Variants in HNRNPA3 observed in about 807,000 individuals in gnomAD.
The protein encoded by HNRNPA3 is epididymis secretory sperm binding protein.
A neutral mutation model predicts 45.8 loss-of-function variants in HNRNPA3; 3 were observed. The ratio of observed to expected loss-of-function variants is 0.07; its 90% CI spans 0.03 to 0.17. The LOEUF (loss-of-function observed/expected upper bound fraction) is 0.17. Ranked by LOEUF, HNRNPA3 falls within the 10% of genes least tolerant of loss-of-function variation. HNRNPA3 has a pLI of 1.00. For missense variants in HNRNPA3, 183 were observed against 480.3 expected (o/e 0.38, Z 5.79); for synonymous variants, 170 against 155.6 (o/e 1.09, Z -0.69).
exon 8 of HNRNPA3, chr2:177,217,709 C>T (rs1322369388): frequency 6.2e-7 from 1 of 1,612,408 alleles, no homozygotes; most frequent in East Asian, 2.2e-5. Flanking sequence ...TTTTAGGTGG[C>T]AACTATGGCG....
intron 8 of HNRNPA3, among the ~76,000 whole-genome samples, chr2:177,218,760 T>C (rs1259889114): frequency 6.6e-6 from 1 of 152,232 alleles, no homozygotes; most frequent in South Asian, 2.1e-4. Context: ...TCTCATTGTT[T>C]TAAATGTTAT....
At chr2:177,217,657 C>G in intron 7 of HNRNPA3, 48 bp from the exon 8 acceptor site, 1 of 1,608,220 alleles carries the variant, frequency 6.2e-7, no homozygotes, top group Non-Finnish European at 8.5e-7. Flanking sequence ...AATAACGTGA[C>G]TATACACTTA....
intron 8 of HNRNPA3, among the ~76,000 whole-genome samples, chr2:177,218,103 C>T (rs1427849979): frequency 1.5e-5 from 2 of 134,984 alleles, no homozygotes; most frequent in African/African-American, 5.9e-5. Context: ...GCTCTGTTGC[C>T]CAGGCTGGAG....
In HNRNPA3 at chr2:177,212,882, G is replaced by A. The variant is rs1391861981; in HGVS notation, c.72+11G>A. On this transcript the variant is annotated intron_variant, in intron 1 of 10. Transcript: ENST00000392524. The stretch of plus-strand genomic sequence containing the variant: ...CGCCGGGGGGAGGAGGTATTAGGGG[G>A]AGAGCGGGGGGTTGGTGGGGAATGG... The A allele has an allele frequency of 3.7e-5, 54 of 1,458,434 alleles. No homozygotes were observed. In the East Asian group the frequency reaches 1.3e-3, roughly 35 times the overall value. The allele number at this position is 1,458,434 out of a possible 1,614,324, so 90.3% of individuals were successfully genotyped here. A position where few individuals can be genotyped will look rare whatever the true frequency, so the allele number is the denominator to read the frequency against.
chr2:177,216,949 C>T lies in HNRNPA3; in HGVS notation c.820+9C>T. 6.6e-7 allele frequency: 1 copy of T among 1,504,382 alleles called. No homozygotes were observed. Among genetic ancestry groups the T allele is most frequent in the Non-Finnish European group, 8.9e-7 (1 of 1,119,656 alleles). The allele number at this position is 1,504,382 out of a possible 1,614,324, so 93.2% of individuals were successfully genotyped here. A position where few individuals can be genotyped will look rare whatever the true frequency, so the allele number is the denominator to read the frequency against. The stretch of plus-strand genomic sequence containing the variant: ...TGGATTTGGAGGTGATGGTAGGTGG[C>T]TTATTTTCATTGATGTTTGATATTT... On this transcript the variant is annotated intron_variant, in intron 7 of 10. Coordinates refer to ENST00000392524, the Ensembl canonical transcript of HNRNPA3.
intron 7 of HNRNPA3, 33 bp downstream of exon 7, chr2:177,216,973 T>G (rs1688968759): frequency 6.9e-7 from 1 of 1,439,986 alleles, no homozygotes; most frequent in Non-Finnish European, 9.3e-7. Flanking sequence ...TGTTTGATAT[T>G]TTAACTTTCT....
downstream of HNRNPA3, chr2:177,220,339 A>T (rs542947911): frequency 6.5e-6 from 1 of 153,006 alleles, no homozygotes; most frequent in South Asian, 2.1e-4. Flanking sequence ...TCCCTCTCCT[A>T]CGTTAGAAAC....
At chr2:177,214,719 C>T (rs746740197) in intron 1 of HNRNPA3, among the ~76,000 whole-genome samples, 44 of 152,170 alleles carry the variant, frequency 2.9e-4, no homozygotes, top group Non-Finnish European at 5.6e-4. Context: ...GGCGTGAACC[C>T]GGGAGGCGGA....
At chr2:177,223,530 TG>T (rs1389205019), downstream of HNRNPA3, 6 of 152,210 alleles carry the variant, frequency 3.9e-5, no homozygotes, top group Admixed American at 1.3e-4. Flanking sequence ...AAGGAGAATA[TG>T]TGGTAATAAA....
At chr2:177,214,294 A>AT (rs1688828550) in intron 1 of HNRNPA3, among the ~76,000 whole-genome samples, 1 of 152,226 alleles carries the variant, frequency 6.6e-6, no homozygotes, top group Non-Finnish European at 1.5e-5. Context: ...GACTCTTAAA[A>AT]TTGAGTTGTA....
intron 7 of HNRNPA3, among the ~76,000 whole-genome samples, chr2:177,217,274 C>G (rs1688981986): frequency 6.6e-6 from 1 of 151,776 alleles, no homozygotes; most frequent in South Asian, 2.1e-4. Flanking sequence ...AGTGCAGATA[C>G]TTGATACTCT....
chr2:177,216,239 T>C, intron 4 of HNRNPA3, 51 bp downstream of exon 4: 1 of 1,256,736 alleles, frequency 8.0e-7, no homozygotes, highest in Non-Finnish European at 1.1e-6. Flanking sequence ...CTGGTTTTTC[T>C]GTTTTGAACT....
At chr2:177,218,056 T>TTTTTTC (rs1689028477) in intron 8 of HNRNPA3, among the ~76,000 whole-genome samples, 7 of 13,154 alleles carry the variant, frequency 5.3e-4, no homozygotes, top group African/African-American at 7.7e-4. Context: ...TTTTTTCTTT[T>TTTTTTC]TTTTTTTTTT....
rs770366190 is a variant in HNRNPA3, at chr2:177,219,173, T to TGA, written c.1084+14_1084+15insGA. On this transcript the variant is annotated intron_variant, in intron 9 of 10. Transcript: ENST00000392524. The stretch of plus-strand genomic sequence containing the variant: ...GTCCCTATGGTGGTAAGTACTTTCT[T>TGA]AAATCAATTCTTTAGAGCCTTTTTA... The TGA allele has an allele frequency of 3.7e-6, 6 of 1,612,344 alleles. No homozygotes were observed. The highest frequency in any genetic ancestry group is 5.1e-6 in the Non-Finnish European group (6 of 1,179,540).
At chr2:177,216,804 C>T (rs1558969732) in intron 6 of HNRNPA3, 33 bp downstream of exon 6, 7 of 1,613,540 alleles carry the variant, frequency 4.3e-6, no homozygotes, top group African/African-American at 1.3e-5. Context: ...ACATGGATAC[C>T]TGACATTTTG....
At chr2:177,213,277 G>C (rs1001236041) in intron 1 of HNRNPA3, among the ~76,000 whole-genome samples, 1 of 152,188 alleles carries the variant, frequency 6.6e-6, no homozygotes, top group Non-Finnish European at 1.5e-5. Context: ...ACATTGATCC[G>C]CCGCCGCGTT....
At chr2:177,213,783 T>C (rs1300425014) in intron 1 of HNRNPA3, among the ~76,000 whole-genome samples, 1 of 152,254 alleles carries the variant, frequency 6.6e-6, no homozygotes, top group Non-Finnish European at 1.5e-5. Context: ...TTTCCCATTC[T>C]TTGAGTCGGC....
chr2:177,216,582 A>G, exon 5 of HNRNPA3: 1 of 1,613,906 alleles, frequency 6.2e-7, no homozygotes. Flanking sequence ...AGTCTGCTGG[A>G]TCACAGAGAG....
chr2:177,213,978 GT>G (rs1351489752), intron 1 of HNRNPA3, among the ~76,000 whole-genome samples: 5 of 152,132 alleles, frequency 3.3e-5, no homozygotes, highest in Non-Finnish European at 7.4e-5. Context: ...GGCTATTAAC[GT>G]TTTTTTCTAG....
Sources: allele counts gnomAD v4.1 joint callset (sites outside exome capture counted in the v4.1 genomes callset), GRCh38; gene constraint gnomAD v4.1.1; transcripts MANE v1.5; gene names NCBI Gene and HGNC (gene_info 2026-07-23, HGNC 2026-07-21).